The following SAMD3 variants were observed in gnomAD, a reference collection of about 807,000 sequenced individuals.
The protein encoded by SAMD3 is sterile alpha motif domain-containing protein 3.
In SAMD3, 63 loss-of-function variants were observed where a neutral mutation model predicts 58.5. That is an observed-to-expected ratio of 1.08 (90% CI 0.88 to 1.33). The LOEUF is 1.33. Among genes scored for constraint, SAMD3 ranks in the 40% most tolerant of loss-of-function variants. SAMD3 has a pLI of 0.00. For synonymous variants in SAMD3, 220 were observed against 210.3 expected, an observed-to-expected ratio of 1.05 and a Z score of -0.40; for missense variants, 604 against 608.4, an observed-to-expected ratio of 0.99 and a Z score of 0.08.
At chr6:130,356,979 C>T (rs931181579) in intron 1 of SAMD3, among the ~76,000 whole-genome samples, 2 of 152,122 alleles carry the variant, frequency 1.3e-5, no homozygotes, top group East Asian at 1.9e-4. Context: ...CTGAGGAAAA[C>T]GGACTTTTAC....
intron 2 of SAMD3, among the ~76,000 whole-genome samples, chr6:130,299,466 C>T (rs1212493651): frequency 6.6e-6 from 1 of 151,942 alleles, no homozygotes; most frequent in Non-Finnish European, 1.5e-5. Flanking sequence ...ATAATGAAAG[C>T]AGTATTAAGA....
At chr6:130,173,535 A>T (rs1791434126) in intron 8 of SAMD3, among the ~76,000 whole-genome samples, 2 of 152,318 alleles carry the variant, frequency 1.3e-5, no homozygotes, top group East Asian at 1.9e-4. Flanking sequence ...ATCACTGCCT[A>T]GTCCTTCCTC....
intron 5 of SAMD3, among the ~76,000 whole-genome samples, chr6:130,206,723 G>T (rs993195858): frequency 3.3e-5 from 5 of 152,082 alleles, no homozygotes; most frequent in Non-Finnish European, 7.4e-5. Flanking sequence ...TAAAGATAGG[G>T]GCGTGCCACT....
At chr6:130,244,737 C>CAAAAAA (rs869081527) in intron 2 of SAMD3, among the ~76,000 whole-genome samples, 1 of 118,758 alleles carries the variant, frequency 8.4e-6, no homozygotes, top group Non-Finnish European at 1.7e-5. Context: ...GAGCCTGTCT[C>CAAAAAA]AAAAAAAAAA....
At chr6:130,273,862 G>A (rs7772321) in intron 2 of SAMD3, among the ~76,000 whole-genome samples, 47,129 of 151,650 alleles carry the variant, frequency 0.31, 7,664 homozygotes, top group East Asian at 0.47. Context: ...CTTCATTAAC[G>A]AATTTTTGTA....
intron 1 of SAMD3, among the ~76,000 whole-genome samples, chr6:130,347,745 TG>T (rs1367004673): frequency 6.6e-6 from 1 of 151,978 alleles, no homozygotes; most frequent in African/African-American, 2.4e-5. Context: ...AGATACTCCT[TG>T]AAAATAGCAA....
intron 2 of SAMD3, among the ~76,000 whole-genome samples, chr6:130,249,563 T>G (rs1773671363): frequency 6.6e-6 from 1 of 152,170 alleles, no homozygotes; most frequent in Admixed American, 6.5e-5. Flanking sequence ...TTTATTCTAT[T>G]ATACAGAATT....
intron 5 of SAMD3, among the ~76,000 whole-genome samples, chr6:130,193,562 T>G: frequency 6.6e-6 from 1 of 152,180 alleles, no homozygotes; most frequent in East Asian, 1.9e-4. Flanking sequence ...TACTCTCCCT[T>G]TTCTCTGGGC....
At chr6:130,207,512 A>G (rs1270359888) in intron 5 of SAMD3, among the ~76,000 whole-genome samples, 2 of 152,058 alleles carry the variant, frequency 1.3e-5, no homozygotes, top group Non-Finnish European at 2.9e-5. Flanking sequence ...TTCCACAGTT[A>G]TAGACATGTG....
At chr6:130,314,631 A>G (rs1776298734) in intron 1 of SAMD3, among the ~76,000 whole-genome samples, 1 of 152,226 alleles carries the variant, frequency 6.6e-6, no homozygotes, top group Non-Finnish European at 1.5e-5. Context: ...CATAAGAAGT[A>G]ACCAAAAAGG....
At chr6:130,166,329 T>A (rs1790735984) in intron 8 of SAMD3, among the ~76,000 whole-genome samples, 1 of 152,202 alleles carries the variant, frequency 6.6e-6, no homozygotes, top group South Asian at 2.1e-4. Flanking sequence ...CACTAAGTAG[T>A]ACTAAGTAAT....
chr6:130,246,695 A>C (rs888788077), intron 2 of SAMD3, among the ~76,000 whole-genome samples: 24 of 152,120 alleles, frequency 1.6e-4, no homozygotes, highest in African/African-American at 5.8e-4. Flanking sequence ...GTTCAAGACC[A>C]ATCTGGCCAA....
chr6:130,230,654 C>T (rs1366993649), intron 2 of SAMD3, among the ~76,000 whole-genome samples: 1 of 152,196 alleles, frequency 6.6e-6, no homozygotes, highest in Non-Finnish European at 1.5e-5. Flanking sequence ...TCCCAAAGTG[C>T]TGGGATTACA....
chr6:130,350,973 G>A (rs775202474), intron 1 of SAMD3, among the ~76,000 whole-genome samples: 1 of 152,070 alleles, frequency 6.6e-6, no homozygotes, highest in African/African-American at 2.4e-5. Context: ...CAAGCAATGG[G>A]GAAAGCATTC....
intron 8 of SAMD3, among the ~76,000 whole-genome samples, chr6:130,157,581 C>G (rs1410697500): frequency 1.3e-5 from 2 of 152,116 alleles, no homozygotes; most frequent in Non-Finnish European, 2.9e-5. Flanking sequence ...GCTACCTTGG[C>G]CTCCCAAATT....
intron 8 of SAMD3, chr6:130,160,776 C>A (rs1363121508): frequency 6.6e-6 from 1 of 151,702 alleles, no homozygotes; most frequent in Non-Finnish European, 1.5e-5. Flanking sequence ...AGCAGGAGAA[C>A]CAGGATAATG....
intron 5 of SAMD3, among the ~76,000 whole-genome samples, chr6:130,193,412 C>T (rs1340107782): frequency 3.9e-5 from 6 of 152,084 alleles, no homozygotes; most frequent in African/African-American, 9.7e-5. Flanking sequence ...GTGCCCTGAC[C>T]TCTTATCTCT....
chr6:130,170,560 T>C (rs747291133), intron 8 of SAMD3, among the ~76,000 whole-genome samples: 4 of 152,250 alleles, frequency 2.6e-5, no homozygotes, highest in Non-Finnish European at 4.4e-5. Context: ...TTCATGATAC[T>C]GACTCTTCCT....
chr6:130,224,725 TCTC>T (rs1796340381), upstream of SAMD3, among the ~76,000 whole-genome samples: 1 of 151,832 alleles, frequency 6.6e-6, no homozygotes, highest in Non-Finnish European at 1.5e-5. Context: ...TTTAAGCGAT[TCTC>T]CTGCCTCAGC....
Sources: allele counts gnomAD v4.1 joint callset (sites outside exome capture counted in the v4.1 genomes callset), GRCh38; gene constraint gnomAD v4.1.1; transcripts MANE v1.5; gene names NCBI Gene and HGNC (gene_info 2026-07-23, HGNC 2026-07-21).